TMEM132C: variants seen among roughly 807,000 people sequenced by gnomAD.
TMEM132C encodes the protein protein phosphatase 1, regulatory subunit 152.
Under a neutral mutation model 61.4 loss-of-function variants are expected in TMEM132C, and 29 were observed. The observed-to-expected ratio is 0.47, with a 90% CI of 0.35 to 0.64. The LOEUF (loss-of-function observed/expected upper bound fraction) is 0.64. Among genes scored for constraint, TMEM132C ranks in the 30% least tolerant of loss-of-function variants. The probability of loss-of-function intolerance (pLI) is 0.00; values close to 1 mark genes in which losing one functional copy is unlikely to be tolerated. For synonymous variants in TMEM132C, 656 were observed against 633.1 expected, an observed-to-expected ratio of 1.04 and a Z score of -0.54; for missense variants, 1,408 against 1,476.9, an observed-to-expected ratio of 0.95 and a Z score of 0.76.
At position 128,290,160 on chromosome 12, in the gene TMEM132C, C is replaced by T. The variant is rs188115988; in HGVS notation, c.85+22673C>T. The stretch of plus-strand genomic sequence containing the variant: ...CAGTAGGGCGTGTGATGCTGGGACA[C>T]TGTATGAGTCCATTCTCATACTGCC... On this transcript the variant is annotated intron_variant, in intron 1 of 8. Transcript: ENST00000435159. 3.5e-3 allele frequency among the ~76,000 whole-genome samples: 528 copies of T among 152,286 alleles called. 5 individuals carry two copies. Among genetic ancestry groups the T allele is most frequent in the Non-Finnish European group, 6.3e-3 (431 of 68,030 alleles).
chr12:128,405,846 G>A (rs766219313), intron 1 of TMEM132C, among the ~76,000 whole-genome samples: 2 of 152,202 alleles, frequency 1.3e-5, no homozygotes, highest in African/African-American at 4.8e-5. Context: ...AAAGCTCTGT[G>A]TACAGAGAGC....
chr12:128,365,348 A>G (rs1873829842), intron 1 of TMEM132C, among the ~76,000 whole-genome samples: 1 of 152,192 alleles, frequency 6.6e-6, no homozygotes, highest in Non-Finnish European at 1.5e-5. Context: ...GTGAGTACTC[A>G]GGGAAGCTCT....
rs561861646 is a variant in TMEM132C at position 128,486,466 on chromosome 12, C to T, written c.975-57491C>T. Among the ~76,000 whole-genome samples the T allele has an allele frequency of 4.3e-4, 65 of 152,198 alleles. No homozygotes were observed. The South Asian group carries it at 4.4e-3, about 10-fold the overall frequency. Reference sequence around the variant, plus strand: ...CGAGGAGAGTCTACAAGCTAAGAGGCAAAGGACCATCCCACCCAGCAGACC... The same window carrying T: ...CGAGGAGAGTCTACAAGCTAAGAGGTAAAGGACCATCCCACCCAGCAGACC... On this transcript the variant is annotated intron_variant, in intron 2 of 8. Transcript: ENST00000435159.
At chr12:128,654,155 A>G (rs980229426) in intron 4 of TMEM132C, among the ~76,000 whole-genome samples, 2 of 152,222 alleles carry the variant, frequency 1.3e-5, no homozygotes, top group African/African-American at 4.8e-5. Context: ...CTTTGGAAAT[A>G]GGGTCTTTGC....
chr12:128,426,258 C>A (rs2136032594), intron 2 of TMEM132C, among the ~76,000 whole-genome samples: 1 of 152,354 alleles, frequency 6.6e-6, no homozygotes, highest in African/African-American at 2.4e-5. Context: ...AGCTTCATTT[C>A]AGGGAGCGAA....
intron 3 of TMEM132C, among the ~76,000 whole-genome samples, chr12:128,602,719 CCCATCCTGGAATTAGG>C: frequency 6.6e-6 from 1 of 152,314 alleles, no homozygotes; most frequent in South Asian, 2.1e-4. Flanking sequence ...ACTTCAGTGA[CCCATCCTGGAATTAGG>C]CCAATGTCCC....
intron 5 of TMEM132C, among the ~76,000 whole-genome samples, chr12:128,683,554 C>A (rs1412711852): frequency 6.6e-6 from 1 of 152,178 alleles, no homozygotes; most frequent in African/African-American, 2.4e-5. Flanking sequence ...AGACCTTGGA[C>A]CAGTTATTTG....
At chr12:128,647,483 G>A (rs757424763) in intron 4 of TMEM132C, among the ~76,000 whole-genome samples, 4 of 151,882 alleles carry the variant, frequency 2.6e-5, no homozygotes, top group Non-Finnish European at 4.4e-5. Context: ...TTGGATATGA[G>A]TGTGCTTACT....
At chr12:128,515,983 G>A (rs562347639) in intron 2 of TMEM132C, among the ~76,000 whole-genome samples, 7 of 152,136 alleles carry the variant, frequency 4.6e-5, no homozygotes, top group Non-Finnish European at 8.8e-5. Flanking sequence ...GCCCATGTCC[G>A]TGCCAGCATC....
chr12:128,268,187 G>A (rs77642413), intron 1 of TMEM132C, among the ~76,000 whole-genome samples: 10,797 of 152,278 alleles, frequency 0.071, 1,284 homozygotes, highest in African/African-American at 0.25. Flanking sequence ...TCCTGTCCGG[G>A]GCTCCTTCAC....
chr12:128,453,594 ATGT>A (rs1879147594), intron 2 of TMEM132C, among the ~76,000 whole-genome samples: 1 of 152,210 alleles, frequency 6.6e-6, no homozygotes, highest in African/African-American at 2.4e-5. Flanking sequence ...TGACAAAGTC[ATGT>A]TGCAAGCAGA....
intron 3 of TMEM132C, among the ~76,000 whole-genome samples, chr12:128,597,251 G>T (rs948412864): frequency 5.3e-5 from 8 of 152,012 alleles, no homozygotes; most frequent in African/African-American, 1.7e-4. Flanking sequence ...AGGCTGAGGT[G>T]GGTGGATCAC....
chr12:128,634,362 G>T (rs766966311), intron 4 of TMEM132C, among the ~76,000 whole-genome samples: 10 of 152,222 alleles, frequency 6.6e-5, no homozygotes, highest in Admixed American at 1.3e-4. Flanking sequence ...GGCATGAGCC[G>T]CTGTGCCCAG....
intron 5 of TMEM132C, among the ~76,000 whole-genome samples, chr12:128,671,462 A>C (rs903517567): frequency 2.0e-5 from 3 of 152,208 alleles, no homozygotes; most frequent in Non-Finnish European, 4.4e-5. Flanking sequence ...ACATCCAGGA[A>C]AAAACAAATA....
intron 2 of TMEM132C, among the ~76,000 whole-genome samples, chr12:128,504,298 A>T (rs1289484701): frequency 6.6e-6 from 1 of 152,202 alleles, no homozygotes; most frequent in Non-Finnish European, 1.5e-5. Flanking sequence ...TGGCCAAAAG[A>T]GTCCCAGAAT....
chr12:128,614,945 A>G (rs1053260026), intron 3 of TMEM132C, among the ~76,000 whole-genome samples: 1 of 152,188 alleles, frequency 6.6e-6, no homozygotes, highest in Non-Finnish European at 1.5e-5. Flanking sequence ...CCTCGGCATG[A>G]TGATGTGAGG....
chr12:128,685,354 C>T (rs1450652759), intron 5 of TMEM132C, among the ~76,000 whole-genome samples: 1 of 152,166 alleles, frequency 6.6e-6, no homozygotes, highest in Admixed American at 6.5e-5. Flanking sequence ...TTTATTCTTG[C>T]TTATGGGTTT....
intron 1 of TMEM132C, among the ~76,000 whole-genome samples, chr12:128,378,633 T>C (rs1186499489): frequency 3.3e-5 from 5 of 152,116 alleles, no homozygotes; most frequent in African/African-American, 1.2e-4. Context: ...GGAGCTGTCA[T>C]AGTAATGCGT....
intron 5 of TMEM132C, among the ~76,000 whole-genome samples, chr12:128,670,179 G>T (rs1954518000): frequency 6.6e-6 from 1 of 152,122 alleles, no homozygotes; most frequent in Non-Finnish European, 1.5e-5. Context: ...GTGTGATGGT[G>T]CACACCTGTA....
Sources: gnomAD v4.1 joint callset for allele counts (sites outside exome capture counted in the v4.1 genomes callset) on GRCh38, gnomAD v4.1.1 for gene constraint, MANE v1.5 for transcripts, NCBI Gene and HGNC (gene_info 2026-07-23, HGNC 2026-07-21) for gene names.